The following MGAT4C variants were observed in gnomAD, a reference collection of about 807,000 sequenced individuals.
The protein encoded by MGAT4C is alpha-1,3-mannosyl-glycoprotein 4-beta-N-acetylglucosaminyltransferase C.
Under a neutral mutation model 40.1 loss-of-function variants are expected in MGAT4C, and 19 were observed. The ratio of observed to expected loss-of-function variants is 0.47; its 90% CI spans 0.33 to 0.70. The LOEUF is 0.70. MGAT4C is among the 30% of genes least tolerant of loss of function. MGAT4C has a pLI of 0.02. For missense variants in MGAT4C, 491 were observed against 563.2 expected (o/e 0.87, Z 1.30); for synonymous variants, 181 against 187.1 (o/e 0.97, Z 0.27).
At chr12:86,483,339 A>T (rs1957966747) in intron 2 of MGAT4C, among the ~76,000 whole-genome samples, 1 of 152,158 alleles carries the variant, frequency 6.6e-6, no homozygotes, top group Non-Finnish European at 1.5e-5. Context: ...GTGAGCAGGA[A>T]CAAAAACAAG....
intron 1 of MGAT4C, among the ~76,000 whole-genome samples, chr12:86,793,662 T>A (rs1345395603): frequency 6.6e-6 from 1 of 152,070 alleles, no homozygotes; most frequent in African/African-American, 2.4e-5. Context: ...GTTTCCTATG[T>A]AATAGTATAT....
At chr12:86,322,391 C>T (rs907233984) in intron 4 of MGAT4C, among the ~76,000 whole-genome samples, 13 of 151,828 alleles carry the variant, frequency 8.6e-5, no homozygotes, top group Admixed American at 3.3e-4. Flanking sequence ...CAGAGAACTG[C>T]TTAAATGGTT....
intron 4 of MGAT4C, among the ~76,000 whole-genome samples, chr12:86,262,512 G>A (rs575734564): frequency 3.3e-4 from 50 of 150,318 alleles, no homozygotes; most frequent in Non-Finnish European, 4.4e-4. Context: ...TATCCTGATA[G>A]CTCTCTTTTG....
chr12:86,352,544 C>A (rs895076430), intron 3 of MGAT4C, among the ~76,000 whole-genome samples: 1 of 152,060 alleles, frequency 6.6e-6, no homozygotes, highest in Non-Finnish European at 1.5e-5. Context: ...TCTTGGAAAT[C>A]TTTCCATATC....
intron 1 of MGAT4C, among the ~76,000 whole-genome samples, chr12:86,240,003 G>A (rs960637295): frequency 4.2e-5 from 6 of 141,916 alleles, no homozygotes; most frequent in South Asian, 2.3e-4. Context: ...ATGTGCACAC[G>A]TACCCTAAAA....
chr12:86,133,489 A>G lies in MGAT4C; in HGVS notation c.-56-83766T>C, dbSNP rs375626736. Among the ~76,000 whole-genome samples, 57 of 152,344 alleles carry G rather than the reference A, an allele frequency of 3.7e-4. 1 individual carries two copies. Among genetic ancestry groups the G allele is most frequent in the African/African-American group, 1.3e-3 (56 of 41,592 alleles). ...TAATTTTCTCTAATTTAAAATGTAC[A>G]ATAAAAGATGGACAGCTTATCTTTT... is the stretch of plus-strand genomic sequence containing the variant. On this transcript the variant is annotated intron_variant, in intron 1 of 4. Transcript: ENST00000611864.
At chr12:86,306,708 A>G (rs1230261926) in intron 4 of MGAT4C, among the ~76,000 whole-genome samples, 1 of 150,546 alleles carries the variant, frequency 6.6e-6, no homozygotes, top group Non-Finnish European at 1.5e-5. Context: ...GTTTAATTGT[A>G]AAGTGAATTG....
At chr12:85,982,179 T>G (rs1884672132) in intron 4 of MGAT4C, among the ~76,000 whole-genome samples, 1 of 152,058 alleles carries the variant, frequency 6.6e-6, no homozygotes, top group Non-Finnish European at 1.5e-5. Flanking sequence ...GGTTTTTTTG[T>G]TTTTGTTTTT....
At chr12:86,574,183 T>C (rs577253689) in intron 2 of MGAT4C, among the ~76,000 whole-genome samples, 1 of 151,900 alleles carries the variant, frequency 6.6e-6, no homozygotes, top group Non-Finnish European at 1.5e-5. Flanking sequence ...CATTAGGATA[T>C]TGAGAGAAAA....
chr12:86,582,382 A>C (rs1367968048), intron 2 of MGAT4C, among the ~76,000 whole-genome samples: 1 of 151,312 alleles, frequency 6.6e-6, no homozygotes, highest in Non-Finnish European at 1.5e-5. Flanking sequence ...GAGAACTTAC[A>C]TGGAGTATGT....
At chr12:86,534,937 T>A (rs978097181) in intron 2 of MGAT4C, among the ~76,000 whole-genome samples, 1 of 152,152 alleles carries the variant, frequency 6.6e-6, no homozygotes, top group African/African-American at 2.4e-5. Flanking sequence ...CCAATCCAAC[T>A]GATTCCCTTT....
intron 3 of MGAT4C, among the ~76,000 whole-genome samples, chr12:86,382,068 G>A (rs967942843): frequency 6.6e-6 from 1 of 152,176 alleles, no homozygotes; most frequent in African/African-American, 2.4e-5. Context: ...TTGGAACTGG[G>A]TAATAGGCAG....
At chr12:86,437,920 C>T (rs779375930) in intron 2 of MGAT4C, among the ~76,000 whole-genome samples, 14 of 151,840 alleles carry the variant, frequency 9.2e-5, no homozygotes, top group Non-Finnish European at 2.1e-4. Flanking sequence ...ACTCCCTGTT[C>T]CCTGAGACAC....
chr12:86,313,560 G>C (rs1954129435), intron 4 of MGAT4C, among the ~76,000 whole-genome samples: 1 of 151,840 alleles, frequency 6.6e-6, no homozygotes, highest in South Asian at 2.1e-4. Context: ...ACTAAAAGCA[G>C]AAAAAAACAC....
intron 2 of MGAT4C, among the ~76,000 whole-genome samples, chr12:85,991,249 T>C (rs1465981627): frequency 6.6e-6 from 1 of 152,130 alleles, no homozygotes; most frequent in East Asian, 1.9e-4. Context: ...AGGTGGCCAC[T>C]CCATCATCTC....
At chr12:86,610,114 T>C (rs1962196120) in intron 2 of MGAT4C, among the ~76,000 whole-genome samples, 2 of 152,164 alleles carry the variant, frequency 1.3e-5, no homozygotes, top group Non-Finnish European at 2.9e-5. Context: ...AATTTTTTTT[T>C]CTCCATCAAC....
At chr12:86,462,514 T>C (rs1228787610) in intron 2 of MGAT4C, among the ~76,000 whole-genome samples, 1 of 152,088 alleles carries the variant, frequency 6.6e-6, no homozygotes, top group African/African-American at 2.4e-5. Context: ...ATAGGATAGA[T>C]GTATATATAA....
intron 2 of MGAT4C, among the ~76,000 whole-genome samples, chr12:86,512,220 T>C (rs1040433248): frequency 1.3e-5 from 2 of 152,138 alleles, no homozygotes; most frequent in African/African-American, 4.8e-5. Context: ...CACAATGATA[T>C]ATCACCTTAC....
intron 3 of MGAT4C, among the ~76,000 whole-genome samples, chr12:86,357,082 G>A (rs757755209): frequency 4.6e-5 from 7 of 152,154 alleles, no homozygotes; most frequent in South Asian, 2.1e-4. Context: ...AGTAGGGGCC[G>A]ACTGACACCT....
Sources: allele counts gnomAD v4.1 joint callset (sites outside exome capture counted in the v4.1 genomes callset), GRCh38; gene constraint gnomAD v4.1.1; transcripts MANE v1.5; gene names NCBI Gene and HGNC (gene_info 2026-07-23, HGNC 2026-07-21).